The following MON1A variants were observed in gnomAD, a reference collection of about 807,000 sequenced individuals.
MON1A encodes the protein vacuolar fusion protein MON1 homolog A.
Under a neutral mutation model 44.6 loss-of-function variants are expected in MON1A, and 29 were observed. That is an observed-to-expected ratio of 0.65 (90% confidence interval 0.48 to 0.89). The LOEUF (loss-of-function observed/expected upper bound fraction) is 0.89, where lower values mean the gene tolerates loss of function less well. Ranked by LOEUF, MON1A falls within the 40% of genes least tolerant of loss-of-function variation. The pLI is 0.00. For missense variants in MON1A, 615 were observed against 759.6 expected, an observed-to-expected ratio of 0.81 and a Z score of 2.24; for synonymous variants, 275 against 316.4, an observed-to-expected ratio of 0.87 and a Z score of 1.39.
At chr3:49,920,912 C>A (rs879331921) in intron 1 of MON1A, among the ~76,000 whole-genome samples, 7 of 151,930 alleles carry the variant, frequency 4.6e-5, no homozygotes, top group Non-Finnish European at 1.0e-4. Context: ...AATCCTAGCA[C>A]TTTGGGAGGC....
At chr3:49,919,950 G>A (rs976293473) in intron 1 of MON1A, among the ~76,000 whole-genome samples, 6 of 152,180 alleles carry the variant, frequency 3.9e-5, no homozygotes, top group Non-Finnish European at 5.9e-5. Flanking sequence ...AGAGATGGAG[G>A]ATCATGTACC....
rs768497256 is a variant in MON1A, at chr3:49,909,244, C to T, written c.1527+9G>A. 2.5e-6 allele frequency: 4 copies of T among 1,613,914 alleles called. No homozygotes were observed. Among genetic ancestry groups the T allele is most frequent in the Non-Finnish European group, 3.4e-6 (4 of 1,179,938 alleles). ...CCATAAAGCCCAGCCCATCCCAGGGCTGCCTTACCCAGGCCAGGAGGTTCT... is the reference window on the plus strand; with the variant it reads ...CCATAAAGCCCAGCCCATCCCAGGGTTGCCTTACCCAGGCCAGGAGGTTCT... On this transcript the variant is annotated intron_variant, in intron 5 of 5. Coordinates refer to ENST00000296473, the MANE Select transcript of MON1A (RefSeq NM_032355.4). The surrounding 1 kb of genome is among the most constrained non-coding windows in gnomAD (Gnocchi z 4.0).
Position 49,910,750 on chromosome 3 carries a change from C to G in MON1A, c.748G>C (p.Ala250Pro). The part of the protein sequence containing the change: ...YYQILSLLTG[A>P]QLSHIFQQKQ... ...TGCTGGAAGATGTGGCTCAGCTGCG[C>G]ACCGGTAAGAAGGCTTAGGATCTGG... The change falls in exon 4 of 6, where the codon GCG (alanine) becomes CCG (proline). Residue 250 changes from alanine (A) to proline (P), a missense_variant. Coordinates refer to ENST00000296473, the MANE Select transcript of MON1A (RefSeq NM_032355.4). This position sits in a 1 kb window ranked among gnomAD's most constrained non-coding sequence, Gnocchi z 8.0. The G allele has an allele frequency of 6.2e-7, 1 of 1,614,140 alleles. No homozygotes were observed. The highest frequency in any genetic ancestry group is 2.2e-5 in the East Asian group (1 of 44,872).
intron 1 of MON1A, chr3:49,915,927 A>C (rs951532176): frequency 1.3e-5 from 2 of 152,232 alleles, no homozygotes; most frequent in Non-Finnish European, 2.9e-5. Context: ...GGCAGGCTGA[A>C]GGATCCTCAC....
chr3:49,926,525 C>T (rs1250743018), intron 1 of MON1A, among the ~76,000 whole-genome samples: 1 of 151,130 alleles, frequency 6.6e-6, no homozygotes, highest in African/African-American at 2.4e-5. Context: ...GATGCAATCA[C>T]AGCTAACTGT....
chr3:49,928,106 G>A (rs559160174), intron 1 of MON1A, among the ~76,000 whole-genome samples: 35 of 152,296 alleles, frequency 2.3e-4, no homozygotes, highest in African/African-American at 8.2e-4. Flanking sequence ...CACGGTACCT[G>A]CATGGGGAAG....
intron 1 of MON1A, among the ~76,000 whole-genome samples, chr3:49,914,744 C>CTACTTGTCTACAAG (rs2082928655): frequency 4.0e-5 from 6 of 151,880 alleles, no homozygotes; most frequent in Admixed American, 1.3e-4. Context: ...GACAAGGTTT[C>CTACTTGTCTACAAG]ACCATCTTGG....
intron 1 of MON1A, 76 bp from the exon 2 acceptor site, chr3:49,913,435 G>C (rs1454420454): frequency 6.9e-7 from 1 of 1,459,610 alleles, no homozygotes; most frequent in Non-Finnish European, 9.2e-7. Flanking sequence ...AGTAAGTACA[G>C]GAAAGTGTCC....
Position 49,929,591 on chromosome 3 carries a change from G to C in MON1A, c.-14+18C>G, listed in dbSNP as rs1191581329. ...TCTCTAGGTGCCTCCAGGCCACGTGGGCTGGCAGTCAACTCACCTGTTTCT... is the reference window on the plus strand; with the variant it reads ...TCTCTAGGTGCCTCCAGGCCACGTGCGCTGGCAGTCAACTCACCTGTTTCT... On this transcript the variant is annotated intron_variant, in intron 1 of 5. Coordinates refer to ENST00000296473, the MANE Select transcript of MON1A (RefSeq NM_032355.4). 1.9e-6 allele frequency: 3 copies of C among 1,551,410 alleles called. No homozygotes were observed. The highest frequency in any genetic ancestry group is 2.6e-6 in the Non-Finnish European group (3 of 1,146,900).
rs574804045 is a variant in MON1A at position 49,929,671 on chromosome 3, T to G, written c.-76A>C. Reference sequence around the variant, plus strand: ...CGGTCACTGCCCTCTGCCGGACCCATGGAGGGGTAAGGGTGTCCGGCCGGG... The same window carrying G: ...CGGTCACTGCCCTCTGCCGGACCCAGGGAGGGGTAAGGGTGTCCGGCCGGG... On this transcript the variant is annotated 5_prime_UTR_variant, in exon 1 of 6. It removes an upstream start codon present in the reference 5' UTR. Coordinates refer to ENST00000296473, the MANE Select transcript of MON1A (RefSeq NM_032355.4). The G allele has an allele frequency of 1.3e-6, 2 of 1,551,258 alleles. No individual in the cohort carries two copies. The highest frequency in any genetic ancestry group is 3.9e-5 in the Admixed American group (2 of 51,008).
In MON1A at chr3:49,911,453, CA is replaced by C; in HGVS notation, c.613+72del. Reference sequence around the variant, plus strand: ...CAGCACATCCCAGCCCTCTGGTCTGCAGGGGTCCAAAACCTGCTATGAATGA... The same window carrying C: ...CAGCACATCCCAGCCCTCTGGTCTGCGGGGTCCAAAACCTGCTATGAATGA... On this transcript the variant is annotated intron_variant, in intron 3 of 5. Transcript: ENST00000296473. This position sits in a 1 kb window ranked among gnomAD's most constrained non-coding sequence, Gnocchi z 5.7. 1 of 1,534,814 alleles carries C rather than the reference CA, an allele frequency of 6.5e-7. No homozygotes were observed. The highest frequency in any genetic ancestry group is 8.7e-7 in the Non-Finnish European group (1 of 1,143,732).
At position 49,911,241 on chromosome 3, in the gene MON1A, GATA is replaced by G. The variant is rs2082881408; in HGVS notation, c.613+282_613+284del. On this transcript the variant is annotated intron_variant, in intron 3 of 5. Transcript: ENST00000296473. This position sits in a 1 kb window ranked among gnomAD's most constrained non-coding sequence, Gnocchi z 5.7. ...AGATAGATAGATAGATAGATAGATAGATAGAGTTTGTTGTTGTTGTTGTTGTTG... is the reference window on the plus strand; with the variant it reads ...AGATAGATAGATAGATAGATAGATAGGAGTTTGTTGTTGTTGTTGTTGTTG... Among the ~76,000 whole-genome samples the G allele has an allele frequency of 2.1e-5, 2 of 96,026 alleles. No individual in the cohort carries two copies. The highest frequency in any genetic ancestry group is 2.1e-4 in the East Asian group (1 of 4,734). 63.0% of individuals were successfully genotyped at this position (96,026 alleles called of 152,430 possible). A position where few individuals can be genotyped will look rare whatever the true frequency, so the allele number is the denominator to read the frequency against.
At chr3:49,917,796 C>T (rs1319504492) in intron 1 of MON1A, among the ~76,000 whole-genome samples, 1 of 151,678 alleles carries the variant, frequency 6.6e-6, no homozygotes, top group Non-Finnish European at 1.5e-5. Flanking sequence ...CCTGTAATCC[C>T]AGCACTTTGG....
At chr3:49,913,921 A>ATTGTTG (rs528585597) in intron 1 of MON1A, among the ~76,000 whole-genome samples, 2 of 149,426 alleles carry the variant, frequency 1.3e-5, no homozygotes, top group African/African-American at 4.9e-5. Flanking sequence ...CTCTCGGCAG[A>ATTGTTG]TTGTTGTTGT....
Position 49,909,060 on chromosome 3 carries a change from C to G in MON1A, c.1622G>C (p.Arg541Pro). 6.2e-7 allele frequency: 1 copy of G among 1,613,884 alleles called. No individual in the cohort carries two copies. Among genetic ancestry groups the G allele is most frequent in the Non-Finnish European group, 8.5e-7 (1 of 1,179,902 alleles). Residue 541 changes from arginine to proline, a missense_variant, in exon 6 of 6, where the codon CGC becomes CCC. Physicochemically the swap from Arg to Pro is moderately radical, Grantham distance 103. Coordinates refer to ENST00000296473, the MANE Select transcript of MON1A (RefSeq NM_032355.4). The surrounding 1 kb of genome is among the most constrained non-coding windows in gnomAD (Gnocchi z 4.0). ...AATGAAGAGGCGGTCTTCCTCTTTG[C>G]GGATCCAGCGCATCAGCTTATGGAT... The part of the protein sequence containing the change: ...SAIHKLMRWI[R>P]KEEDRLFILT...
chr3:49,927,453 C>T (rs2083060708), intron 1 of MON1A, among the ~76,000 whole-genome samples: 1 of 152,154 alleles, frequency 6.6e-6, no homozygotes, highest in South Asian at 2.1e-4. Context: ...CTTATAATAC[C>T]ACATGAATCC....
intron 1 of MON1A, chr3:49,920,624 G>C (rs1356304818): frequency 1.3e-5 from 2 of 152,112 alleles, no homozygotes; most frequent in South Asian, 2.1e-4. Flanking sequence ...TGGATCACGA[G>C]GTCAGAAGTT....
At chr3:49,912,755 A>G (rs2082901290) in intron 2 of MON1A, 1 of 258,768 alleles carries the variant, frequency 3.9e-6, no homozygotes, top group Non-Finnish European at 7.7e-6. Flanking sequence ...TTTAACAGAT[A>G]TATTTTGAGT....
rs2083078149 is a variant in MON1A at position 49,929,660 on chromosome 3, T to C, written c.-65A>G. 1 of 1,551,304 alleles carries C rather than the reference T, an allele frequency of 6.4e-7. No individual in the cohort carries two copies. Among genetic ancestry groups the C allele is most frequent in the Non-Finnish European group, 8.7e-7 (1 of 1,146,930 alleles). Reference sequence around the variant, plus strand: ...ACAGAAGGTGCCGGTCACTGCCCTCTGCCGGACCCATGGAGGGGTAAGGGT... The same window carrying C: ...ACAGAAGGTGCCGGTCACTGCCCTCCGCCGGACCCATGGAGGGGTAAGGGT... On this transcript the variant is annotated 5_prime_UTR_variant, in exon 1 of 6. Transcript: ENST00000296473.
Sources: allele counts gnomAD v4.1 joint callset (sites outside exome capture counted in the v4.1 genomes callset), GRCh38; gene constraint gnomAD v4.1.1; non-coding constraint Gnocchi (gnomAD v3.1); transcripts MANE v1.5; gene names NCBI Gene and HGNC (gene_info 2026-07-23, HGNC 2026-07-21).